The following RGS17 variants were observed in gnomAD, a reference collection of about 807,000 sequenced individuals.
RGS17 encodes regulator of G protein signaling 17.
Under a neutral mutation model 25.5 loss-of-function variants are expected in RGS17, and 12 were observed. That is an observed-to-expected ratio of 0.47 (90% CI 0.30 to 0.76). The LOEUF is 0.76. Ranked by LOEUF, RGS17 falls within the 30% of genes least tolerant of loss-of-function variation. The pLI is 0.07. For synonymous variants in RGS17, 71 were observed against 76.9 expected (o/e 0.92, Z 0.40); for missense variants, 196 against 242.2 (o/e 0.81, Z 1.27).
At chr6:153,065,143 G>T (rs761820604) in intron 1 of RGS17, among the ~76,000 whole-genome samples, 1 of 152,146 alleles carries the variant, frequency 6.6e-6, no homozygotes, top group South Asian at 2.1e-4. Context: ...AAAAGAGCAG[G>T]AGTAGCTACA....
At chr6:153,015,526 A>C (rs759248920) in intron 4 of RGS17, among the ~76,000 whole-genome samples, 1 of 152,214 alleles carries the variant, frequency 6.6e-6, no homozygotes, top group Non-Finnish European at 1.5e-5. Context: ...ACTTTCTAAA[A>C]GCTCAGATGA....
rs141878474 is a variant in RGS17 at position 153,082,965 on chromosome 6, G to C, written c.-25-38922C>G. Among the ~76,000 whole-genome samples, 518 of 152,232 alleles carry C rather than the reference G, an allele frequency of 3.4e-3. 2 individuals are homozygous for C. Among genetic ancestry groups the C allele is most frequent in the Non-Finnish European group, 5.9e-3 (399 of 68,026 alleles). ...TTAAATGCTCCAGGTGATTACTTTG[G>C]ACTCTGTGTCCATTCTGGCTGGAGT... is the stretch of plus-strand genomic sequence containing the variant. On this transcript the variant is annotated intron_variant, in intron 1 of 4. Coordinates refer to ENST00000206262, the MANE Select transcript of RGS17 (RefSeq NM_012419.5).
At chr6:153,071,773 T>C (rs9478384) in intron 1 of RGS17, among the ~76,000 whole-genome samples, 58,378 of 151,976 alleles carry the variant, frequency 0.38, 11,899 homozygotes, top group East Asian at 0.62. Flanking sequence ...CTTGTCTGTA[T>C]CAAATATCAG....
chr6:153,014,498 T>G (rs1019789619), intron 4 of RGS17, among the ~76,000 whole-genome samples: 1 of 152,082 alleles, frequency 6.6e-6, no homozygotes, highest in African/African-American at 2.4e-5. Flanking sequence ...CAAGTATTAT[T>G]TAAGAAATAC....
chr6:153,078,962 A>C (rs962065188), intron 1 of RGS17, among the ~76,000 whole-genome samples: 2 of 152,174 alleles, frequency 1.3e-5, no homozygotes, highest in Admixed American at 6.6e-5. Flanking sequence ...GATATCCTAC[A>C]AAAACCATGT....
intron 4 of RGS17, among the ~76,000 whole-genome samples, chr6:153,019,160 T>G (rs992884429): frequency 1.3e-5 from 2 of 152,180 alleles, no homozygotes; most frequent in Non-Finnish European, 2.9e-5. Flanking sequence ...TTCATAACAC[T>G]AGGACGTGGA....
At chr6:153,074,378 T>A (rs1266197958) in intron 1 of RGS17, among the ~76,000 whole-genome samples, 3 of 152,218 alleles carry the variant, frequency 2.0e-5, no homozygotes, top group Non-Finnish European at 4.4e-5. Context: ...CAATTCAACA[T>A]GAGTAATCTT....
chr6:153,046,512 T>TAATAA (rs1239394113), intron 1 of RGS17, among the ~76,000 whole-genome samples: 1 of 151,600 alleles, frequency 6.6e-6, no homozygotes, highest in South Asian at 2.1e-4. Flanking sequence ...TAAAAATAAA[T>TAATAA]AATAAAATAA....
At chr6:153,023,468 C>A in intron 4 of RGS17, 1 of 382,572 alleles carries the variant, frequency 2.6e-6, no homozygotes, top group South Asian at 2.1e-5. Context: ...ACATTATTAA[C>A]CACTCTTTCA....
chr6:153,065,313 A>C (rs564772277), intron 1 of RGS17, among the ~76,000 whole-genome samples: 5 of 152,228 alleles, frequency 3.3e-5, no homozygotes, highest in Non-Finnish European at 7.3e-5. Flanking sequence ...TACAGCAAAT[A>C]TGATTAGATC....
chr6:153,091,282 G>T (rs1162048616), intron 1 of RGS17, among the ~76,000 whole-genome samples: 1 of 152,100 alleles, frequency 6.6e-6, no homozygotes, highest in African/African-American at 2.4e-5. Flanking sequence ...CACTCCCCTG[G>T]TTTCCTGAGA....
Position 153,010,619 on chromosome 6 carries a change from G to A in RGS17, c.*955C>T, listed in dbSNP as rs1388162976. 2 of 151,968 alleles carry A rather than the reference G, an allele frequency of 1.3e-5. No homozygotes were observed. Among genetic ancestry groups the A allele is most frequent in the Non-Finnish European group, 2.9e-5 (2 of 67,894 alleles). The allele number at this position is 151,968 out of a possible 1,614,324, so 9.4% of individuals were successfully genotyped here. On this transcript the variant is annotated 3_prime_UTR_variant, in exon 5 of 5. Transcript: ENST00000206262. ...AAAATGTTTTACAGTGCTACATGTA[G>A]GCATTCCTTTATTAAGTCCTTTTCT... is the stretch of plus-strand genomic sequence containing the variant.
chr6:153,059,845 T>A (rs1304440238), intron 1 of RGS17, among the ~76,000 whole-genome samples: 1 of 152,192 alleles, frequency 6.6e-6, no homozygotes, highest in Non-Finnish European at 1.5e-5. Context: ...AATTACCAAA[T>A]AACAATTTTA....
intron 2 of RGS17, among the ~76,000 whole-genome samples, chr6:153,034,917 A>C (rs1190650606): frequency 6.6e-6 from 1 of 152,114 alleles, no homozygotes; most frequent in East Asian, 1.9e-4. Flanking sequence ...TGGGAGGCTG[A>C]GGCAGGCAGA....
intron 4 of RGS17, chr6:153,023,445 C>CA (rs1212968005): frequency 2.1e-6 from 1 of 469,362 alleles, no homozygotes; most frequent in African/African-American, 2.0e-5. Flanking sequence ...CACAGGGCTC[C>CA]AAGGGCCTGG....
chr6:153,029,369 G>C (rs1411695636), intron 2 of RGS17, among the ~76,000 whole-genome samples: 1 of 152,184 alleles, frequency 6.6e-6, no homozygotes, highest in Admixed American at 6.5e-5. Context: ...ATAGACAAGG[G>C]ATTAATACTT....
intron 1 of RGS17, among the ~76,000 whole-genome samples, chr6:153,093,260 TATGGTGC>T (rs1777157908): frequency 1.3e-5 from 2 of 152,214 alleles, no homozygotes; most frequent in Admixed American, 6.5e-5. Context: ...TGGCTCTTTT[TATGGTGC>T]GTTCATGCTA....
intron 1 of RGS17, among the ~76,000 whole-genome samples, chr6:153,107,226 G>A (rs1024786909): frequency 2.6e-5 from 4 of 151,858 alleles, no homozygotes; most frequent in East Asian, 3.9e-4. Context: ...CTAGCTACTC[G>A]GGAGGCTGAG....
Position 153,028,369 on chromosome 6 carries a change from C to T in RGS17, c.120-1826G>A, listed in dbSNP as rs544415248. On this transcript the variant is annotated intron_variant, in intron 2 of 4. Coordinates refer to ENST00000206262, the MANE Select transcript of RGS17 (RefSeq NM_012419.5). ...AGTCCCAGGGTTAGAGACAGCAAAGCCTTTAGCGTAGTGTAATTTTGGGGA... is the reference window on the plus strand; with the variant it reads ...AGTCCCAGGGTTAGAGACAGCAAAGTCTTTAGCGTAGTGTAATTTTGGGGA... 5.3e-5 allele frequency among the ~76,000 whole-genome samples: 8 copies of T among 152,186 alleles called. No individual in the cohort carries two copies. The South Asian group carries it at 1.0e-3, about 20-fold the overall frequency.
Sources: gnomAD v4.1 joint callset for allele counts (sites outside exome capture counted in the v4.1 genomes callset) on GRCh38, gnomAD v4.1.1 for gene constraint, MANE v1.5 for transcripts, NCBI Gene and HGNC (gene_info 2026-07-23, HGNC 2026-07-21) for gene names.